NMNAT3: variants seen among roughly 807,000 people sequenced by gnomAD.
The protein encoded by NMNAT3 is nicotinamide nucleotide adenylyltransferase 3.
A neutral mutation model predicts 24.8 loss-of-function variants in NMNAT3; 21 were observed. That is an observed-to-expected ratio of 0.85 (90% CI 0.60 to 1.22). The LOEUF (loss-of-function observed/expected upper bound fraction) is 1.22, where lower values mean the gene tolerates loss of function less well. Ranked by LOEUF, NMNAT3 falls within the 50% of genes most tolerant of loss-of-function variation. The probability of loss-of-function intolerance (pLI) is 0.00; values close to 1 mark genes in which losing one functional copy is unlikely to be tolerated. For synonymous variants in NMNAT3, 136 were observed against 155.2 expected, an observed-to-expected ratio of 0.88 and a Z score of 0.92; for missense variants, 387 against 436.6, an observed-to-expected ratio of 0.89 and a Z score of 1.01.
At chr3:139,620,453 T>G (rs1306544531) in intron 3 of NMNAT3, among the ~76,000 whole-genome samples, 4 of 152,188 alleles carry the variant, frequency 2.6e-5, no homozygotes, top group Non-Finnish European at 5.9e-5. Flanking sequence ...CTGACTTTTT[T>G]CACTTAGCAT....
Position 139,578,938 on chromosome 3 carries a change from T to C in NMNAT3, c.509A>G (p.Asp170Gly). 6.2e-7 allele frequency: 1 copy of C among 1,614,186 alleles called. No homozygotes were observed. Among genetic ancestry groups the C allele is most frequent in the Non-Finnish European group, 8.5e-7 (1 of 1,180,016 alleles). The change falls in exon 5 of 7, where the codon GAC becomes GGC. Residue 170 changes from aspartate to glycine, a missense_variant. By Grantham distance (94) the Asp-to-Gly change is moderately conservative. This residue lies in a region of NMNAT3 where 323 missense variants were observed against 345.2 expected (regional missense o/e 0.94). Coordinates refer to ENST00000643695, the MANE Select transcript of NMNAT3 (RefSeq NM_001320510.2). Reference sequence around the variant, plus strand: ...CTCCCAAGGGTCCACCCGGATCCAGTCGGATGTCTGCAGGGCCAGCCGGGC... The same window carrying C: ...CTCCCAAGGGTCCACCCGGATCCAGCCGGATGTCTGCAGGGCCAGCCGGGC...
intron 3 of NMNAT3, among the ~76,000 whole-genome samples, chr3:139,613,559 T>C (rs2055332550): frequency 6.6e-6 from 1 of 152,182 alleles, no homozygotes; most frequent in African/African-American, 2.4e-5. Context: ...AGTTCAACCA[T>C]TGTGGAAGTC....
chr3:139,565,337 G>GA (rs1937012192), intron 6 of NMNAT3: 1 of 152,092 alleles, frequency 6.6e-6, no homozygotes, highest in Admixed American at 6.6e-5. Context: ...TTGGTAAACT[G>GA]AAAAACATAG....
intron 1 of NMNAT3, among the ~76,000 whole-genome samples, chr3:139,643,593 TC>T (rs1364623117): frequency 6.6e-6 from 1 of 152,184 alleles, no homozygotes; most frequent in Non-Finnish European, 1.5e-5. Flanking sequence ...TATAGATGAA[TC>T]TTAAGGACAT....
chr3:139,646,686 T>C (rs1266421379), intron 1 of NMNAT3, among the ~76,000 whole-genome samples: 1 of 152,350 alleles, frequency 6.6e-6, no homozygotes, highest in East Asian at 1.9e-4. Flanking sequence ...AATCCTAGAA[T>C]GCACATGATA....
chr3:139,603,576 A>G (rs1482621556), intron 3 of NMNAT3, among the ~76,000 whole-genome samples: 2 of 152,050 alleles, frequency 1.3e-5, no homozygotes, highest in East Asian at 1.9e-4. Flanking sequence ...GATGATTCCC[A>G]CTACCACTAT....
intron 1 of NMNAT3, among the ~76,000 whole-genome samples, chr3:139,667,468 T>A (rs2108445446): frequency 6.6e-6 from 1 of 152,336 alleles, no homozygotes; most frequent in Middle Eastern, 3.4e-3. Context: ...GGGCTTTTTT[T>A]TGCTATTGAG....
intron 3 of NMNAT3, among the ~76,000 whole-genome samples, chr3:139,616,774 CTG>C (rs370760725): frequency 1.3e-5 from 2 of 151,970 alleles, no homozygotes; most frequent in African/African-American, 2.4e-5. Context: ...TTCTCTCTCT[CTG>C]TGTGTGTGTG....
At chr3:139,566,705 C>G (rs1187215991) in intron 6 of NMNAT3, 2 of 152,174 alleles carry the variant, frequency 1.3e-5, no homozygotes, top group African/African-American at 4.8e-5. Context: ...GGGCTCTGTT[C>G]TGTTCCATTG....
At chr3:139,646,929 C>T (rs947634122) in intron 1 of NMNAT3, among the ~76,000 whole-genome samples, 2 of 152,198 alleles carry the variant, frequency 1.3e-5, no homozygotes, top group African/African-American at 2.4e-5. Context: ...AAGCAGTGTG[C>T]ACTTCTCCTG....
At chr3:139,569,362 T>C (rs1937709182) in intron 6 of NMNAT3, 1 of 152,230 alleles carries the variant, frequency 6.6e-6, no homozygotes, top group African/African-American at 2.4e-5. Context: ...AATATTGTTA[T>C]GTGTGAATTT....
intron 1 of NMNAT3, among the ~76,000 whole-genome samples, chr3:139,671,550 G>A (rs563022988): frequency 1.3e-5 from 2 of 151,970 alleles, no homozygotes; most frequent in South Asian, 2.1e-4. Context: ...TTTTATCATC[G>A]ACGGTCCTTT....
intron 5 of NMNAT3, chr3:139,577,698 G>C (rs553258275): frequency 1.3e-5 from 2 of 152,088 alleles, no homozygotes; most frequent in Non-Finnish European, 1.5e-5. Context: ...CAATATAAGG[G>C]TCTTTGTTTA....
intron 1 of NMNAT3, among the ~76,000 whole-genome samples, chr3:139,639,738 T>G (rs889808822): frequency 1.3e-5 from 2 of 152,344 alleles, no homozygotes; most frequent in East Asian, 3.9e-4. Flanking sequence ...TCATGTCTTC[T>G]GCCAGCATCC....
intron 3 of NMNAT3, among the ~76,000 whole-genome samples, chr3:139,623,917 G>A (rs945192163): frequency 1.3e-5 from 2 of 152,122 alleles, no homozygotes; most frequent in Non-Finnish European, 2.9e-5. Flanking sequence ...TAGTTATGCA[G>A]TAGGTTTGTT....
chr3:139,608,611 A>T (rs1387406791), intron 3 of NMNAT3, among the ~76,000 whole-genome samples: 1 of 152,206 alleles, frequency 6.6e-6, no homozygotes, highest in African/African-American at 2.4e-5. Flanking sequence ...ATAATACAGA[A>T]TTATCCCGTG....
chr3:139,592,770 G>A (rs1379783100), intron 3 of NMNAT3, among the ~76,000 whole-genome samples: 1 of 152,148 alleles, frequency 6.6e-6, no homozygotes, highest in Admixed American at 6.5e-5. Flanking sequence ...AGCAAATGCT[G>A]AGAGATTTTG....
intron 5 of NMNAT3, among the ~76,000 whole-genome samples, chr3:139,575,340 T>C (rs1939139211): frequency 1.3e-5 from 2 of 152,192 alleles, no homozygotes; most frequent in Admixed American, 1.3e-4. Context: ...TTCTGAGGAT[T>C]CACCCTTGGA....
At chr3:139,573,550 G>T in intron 6 of NMNAT3, 48 bp downstream of exon 6, 1 of 1,184,798 alleles carries the variant, frequency 8.4e-7, no homozygotes, top group Non-Finnish European at 1.2e-6. Flanking sequence ...AGTTCTCACA[G>T]AATCCCTGAC....
Sources: allele counts gnomAD v4.1 joint callset (sites outside exome capture counted in the v4.1 genomes callset), GRCh38; gene constraint gnomAD v4.1.1; regional missense constraint gnomAD v4.1.1; transcripts MANE v1.5; gene names NCBI Gene and HGNC (gene_info 2026-07-23, HGNC 2026-07-21).